Variants in PCSK2 observed in about 807,000 individuals in gnomAD.
The protein encoded by PCSK2 is proprotein convertase subtilisin/kexin type 2, also known as neuroendocrine convertase 2.
Under a neutral mutation model 69.7 loss-of-function variants are expected in PCSK2, and 14 were observed. The observed-to-expected ratio is 0.20, with a 90% confidence interval of 0.13 to 0.31. The LOEUF is 0.31. PCSK2 is among the 10% of genes least tolerant of loss of function. The probability of loss-of-function intolerance (pLI) is 1.00; values close to 1 mark genes in which losing one functional copy is unlikely to be tolerated. For synonymous variants in PCSK2, 307 were observed against 320.7 expected (o/e 0.96, Z 0.46); for missense variants, 544 against 842.5 (o/e 0.65, Z 4.39).
chr20:17,413,704 T>C (rs2031931381), intron 6 of PCSK2, among the ~76,000 whole-genome samples: 1 of 152,154 alleles, frequency 6.6e-6, no homozygotes, highest in African/African-American at 2.4e-5. Flanking sequence ...TACAGAATTC[T>C]CCACCCCAAA....
intron 2 of PCSK2, among the ~76,000 whole-genome samples, chr20:17,351,330 T>G (rs1264397981): frequency 2.0e-5 from 3 of 152,060 alleles, no homozygotes; most frequent in Non-Finnish European, 4.4e-5. Context: ...TCAAGGAGAC[T>G]CCTCTCTAAC....
At chr20:17,386,140 C>T (rs1476195957) in intron 5 of PCSK2, among the ~76,000 whole-genome samples, 1 of 152,128 alleles carries the variant, frequency 6.6e-6, no homozygotes, top group East Asian at 1.9e-4. Flanking sequence ...ACAATTTTAA[C>T]TAGGCTCTCC....
intron 2 of PCSK2, among the ~76,000 whole-genome samples, chr20:17,305,878 A>G (rs1051129990): frequency 2.0e-5 from 3 of 152,216 alleles, no homozygotes; most frequent in Admixed American, 6.5e-5. Flanking sequence ...TGCCATATAC[A>G]CAAAAACTAA....
chr20:17,440,140 A>G (rs73102542), intron 8 of PCSK2, among the ~76,000 whole-genome samples: 10,988 of 152,242 alleles, frequency 0.072, 495 homozygotes, highest in East Asian at 0.17. Flanking sequence ...GGGGAACTTC[A>G]GACTAGTCGA....
chr20:17,446,647 T>C (rs1568653895), intron 8 of PCSK2, among the ~76,000 whole-genome samples: 1 of 152,196 alleles, frequency 6.6e-6, no homozygotes, highest in Non-Finnish European at 1.5e-5. Flanking sequence ...ATGTCGAAGA[T>C]GTTTGTGAAT....
chr20:17,465,534 G>A lies in PCSK2; in HGVS notation c.1411G>A (p.Gly471Ser), dbSNP rs1295282165. The change falls in exon 11 of 12, where the codon GGC becomes AGC. Residue 471 changes from glycine (G) to serine (S), a missense_variant. Physicochemically the swap from Gly to Ser is moderately conservative, Grantham distance 56. Coordinates refer to ENST00000262545, the MANE Select transcript of PCSK2 (RefSeq NM_002594.5). The part of the protein sequence containing the change: ...TVPERFHCVG[G>S]SVQDPEKIPS... The stretch of plus-strand genomic sequence containing the variant: ...GCCTGAGAGATTCCACTGTGTGGGA[G>A]GCTCCGTGCAGGACCCTGAGTAAGT... 6.2e-6 allele frequency: 10 copies of A among 1,601,730 alleles called. No individual in the cohort carries two copies. The highest frequency in any genetic ancestry group is 8.5e-6 in the Non-Finnish European group (10 of 1,173,238).
intron 2 of PCSK2, among the ~76,000 whole-genome samples, chr20:17,344,862 G>A (rs1369008745): frequency 6.6e-6 from 1 of 152,028 alleles, no homozygotes; most frequent in Admixed American, 6.5e-5. Context: ...TGGATCCTTT[G>A]CTGTTGATTT....
intron 11 of PCSK2, among the ~76,000 whole-genome samples, chr20:17,466,397 G>A (rs1219515442): frequency 2.0e-5 from 3 of 152,184 alleles, no homozygotes; most frequent in African/African-American, 7.2e-5. Context: ...GTGTTCCAGT[G>A]TATGACTATA....
intron 2 of PCSK2, among the ~76,000 whole-genome samples, chr20:17,323,476 G>A (rs756061314): frequency 2.6e-5 from 4 of 151,996 alleles, no homozygotes; most frequent in Non-Finnish European, 5.9e-5. Flanking sequence ...TAATATAATC[G>A]GTTCACAGTC....
chr20:17,241,130 G>A (rs1333357550), intron 1 of PCSK2, among the ~76,000 whole-genome samples: 1 of 152,204 alleles, frequency 6.6e-6, no homozygotes, highest in African/African-American at 2.4e-5. Context: ...GTGAGGCCGT[G>A]ACTGTCAGCA....
At chr20:17,376,061 C>A (rs574540001) in intron 5 of PCSK2, among the ~76,000 whole-genome samples, 2 of 152,166 alleles carry the variant, frequency 1.3e-5, no homozygotes, top group Non-Finnish European at 2.9e-5. Flanking sequence ...CCTCTGCCAT[C>A]GCCATTAGAA....
At chr20:17,451,004 A>T (rs1211956550) in intron 8 of PCSK2, among the ~76,000 whole-genome samples, 4 of 152,154 alleles carry the variant, frequency 2.6e-5, no homozygotes, top group Non-Finnish European at 5.9e-5. Context: ...CCAGAACTAG[A>T]GAATTTTCCT....
At chr20:17,285,765 G>A (rs1343450531) in intron 2 of PCSK2, among the ~76,000 whole-genome samples, 1 of 152,196 alleles carries the variant, frequency 6.6e-6, no homozygotes, top group African/African-American at 2.4e-5. Flanking sequence ...TAAGGAATTA[G>A]GAGTGGAATA....
chr20:17,321,675 A>G (rs1330207557), intron 2 of PCSK2, among the ~76,000 whole-genome samples: 1 of 152,136 alleles, frequency 6.6e-6, no homozygotes, highest in Admixed American at 6.5e-5. Flanking sequence ...TCCATAATTC[A>G]CTCTCAACTG....
At chr20:17,387,909 C>T (rs1053063673) in intron 5 of PCSK2, among the ~76,000 whole-genome samples, 1 of 152,076 alleles carries the variant, frequency 6.6e-6, no homozygotes, top group Admixed American at 6.5e-5. Context: ...GAAGAGTACT[C>T]GGTGATATAA....
intron 6 of PCSK2, among the ~76,000 whole-genome samples, chr20:17,417,717 G>C (rs114254729): frequency 6.6e-6 from 1 of 152,078 alleles, no homozygotes; most frequent in Non-Finnish European, 1.5e-5. Flanking sequence ...ATGAGTGTAC[G>C]ATATGTTTAT....
rs996732496 is a variant in PCSK2 at position 17,275,863 on chromosome 20, A to G, written c.282+15519A>G. On this transcript the variant is annotated intron_variant, in intron 2 of 11. Coordinates refer to ENST00000262545, the MANE Select transcript of PCSK2 (RefSeq NM_002594.5). ...AGATTTTGAGCTCTGGATAAATTCT[A>G]GTTTTAATCTCAGGTCCACCACTCA... Among the ~76,000 whole-genome samples, 7 of 152,230 alleles carry G rather than the reference A, an allele frequency of 4.6e-5. No homozygotes were observed. In the East Asian group the frequency reaches 1.2e-3, roughly 25 times the overall value.
At chr20:17,329,431 G>C (rs1188078424) in intron 2 of PCSK2, among the ~76,000 whole-genome samples, 1 of 152,142 alleles carries the variant, frequency 6.6e-6, no homozygotes, top group Non-Finnish European at 1.5e-5. Context: ...CAATTATTCA[G>C]AAGCAAGATC....
At chr20:17,323,495 G>A (rs1989941627) in intron 2 of PCSK2, among the ~76,000 whole-genome samples, 1 of 152,112 alleles carries the variant, frequency 6.6e-6, no homozygotes, top group African/African-American at 2.4e-5. Context: ...TCATCTTTTT[G>A]GTACTTCCAG....
Sources: gnomAD v4.1 joint callset for allele counts (sites outside exome capture counted in the v4.1 genomes callset) on GRCh38, gnomAD v4.1.1 for gene constraint, MANE v1.5 for transcripts, NCBI Gene and HGNC (gene_info 2026-07-23, HGNC 2026-07-21) for gene names.